The following ZNF324B variants were observed in gnomAD, a reference collection of about 807,000 sequenced individuals.
The protein encoded by ZNF324B is zinc finger protein 324B.
In ZNF324B, 7 loss-of-function variants were observed where a neutral mutation model predicts 10.6. That is an observed-to-expected ratio of 0.66 (90% CI 0.38 to 1.24). The LOEUF (loss-of-function observed/expected upper bound fraction) is 1.24. ZNF324B is among the 50% of genes most tolerant of loss of function. The probability of loss-of-function intolerance (pLI) is 0.02; values close to 1 mark genes in which losing one functional copy is unlikely to be tolerated. For missense variants in ZNF324B, 640 were observed against 764.7 expected (o/e 0.84, Z 1.92); for synonymous variants, 316 against 321.0 (o/e 0.98, Z 0.17).
the ZNF324B span, among the ~76,000 whole-genome samples, chr19:58,439,353 G>A: frequency 6.6e-6 from 1 of 152,136 alleles, no homozygotes; most frequent in Non-Finnish European, 1.5e-5. Context: ...AACCTTCCAT[G>A]GCTCCCACCA....
At chr19:58,444,429 G>GT in the ZNF324B span, 2 of 152,250 alleles carry the variant, frequency 1.3e-5, no homozygotes, top group African/African-American at 2.4e-5. Flanking sequence ...GAGACCAGGA[G>GT]TTTGAGTCCA....
chr19:58,419,863 A>G, the ZNF324B span, among the ~76,000 whole-genome samples: 1 of 151,976 alleles, frequency 6.6e-6, no homozygotes, highest in Non-Finnish European at 1.5e-5. Context: ...CGCAGCCTGG[A>G]GTGTAGTGGT....
At chr19:58,430,629 G>A in the ZNF324B span, 1 of 152,232 alleles carries the variant, frequency 6.6e-6, no homozygotes, top group African/African-American at 2.4e-5. Context: ...TTCTCACATA[G>A]GAGAGGTGAC....
upstream of ZNF324B, chr19:58,451,585 T>C (rs770882160): frequency 1.9e-6 from 1 of 516,502 alleles, no homozygotes. Context: ...ATTGGGGCAA[T>C]GTGAGCTCTG....
At chr19:58,427,370 CTTTCTTT>C in the ZNF324B span, among the ~76,000 whole-genome samples, 127 of 41,540 alleles carry the variant, frequency 3.1e-3, 2 homozygotes, top group African/African-American at 9.6e-3. Context: ...TTCTTTCTTT[CTTTCTTT>C]CTTTCTTTCT....
chr19:58,450,523 CATTTG>C (rs1295434843), upstream of ZNF324B, among the ~76,000 whole-genome samples: 3 of 150,048 alleles, frequency 2.0e-5, no homozygotes, highest in Non-Finnish European at 3.0e-5. Flanking sequence ...TGCCTCTAAG[CATTTG>C]ATTAAATCAC....
At chr19:58,427,380 T>TTC in the ZNF324B span, among the ~76,000 whole-genome samples, 1 of 48,380 alleles carries the variant, frequency 2.1e-5, no homozygotes, top group Non-Finnish European at 3.6e-5. Context: ...CTTTCTTTCT[T>TTC]TCTTTCTTTC....
At chr19:58,445,963 T>A in the ZNF324B span, 1 of 157,444 alleles carries the variant, frequency 6.4e-6, no homozygotes, top group Non-Finnish European at 1.4e-5. Flanking sequence ...GATGAAACCC[T>A]GTCTCTACTA....
At chr19:58,439,644 G>C in the ZNF324B span, 1 of 1,174,096 alleles carries the variant, frequency 8.5e-7, no homozygotes, top group Non-Finnish European at 1.2e-6. Context: ...GGACCCACGT[G>C]TGAGGACAGG....
the ZNF324B span, chr19:58,436,754 C>T: frequency 4.3e-5 from 22 of 510,148 alleles, no homozygotes; most frequent in Admixed American, 1.2e-4. Flanking sequence ...CTGGGTAACC[C>T]GACCAGGGAT....
the ZNF324B span, among the ~76,000 whole-genome samples, chr19:58,421,090 T>C: frequency 1.3e-5 from 2 of 151,596 alleles, no homozygotes. Flanking sequence ...GCTGTTGCCA[T>C]GCTAAGGGGC....
rs1191229512 is a variant in ZNF324B at position 58,455,792 on chromosome 19, G to A, written c.848G>A (p.Arg283Gln). ...LKHLRTHTGE[R>Q]PYECTQCGKA... ...CACCTACGCACCCACACCGGGGAGC[G>A]GCCCTACGAGTGCACCCAGTGCGGC... The change falls in exon 4 of 4, where the codon CGG (arginine) becomes CAG (glutamine). Residue 283 changes from arginine to glutamine, a missense_variant. By Grantham distance (43) the Arg-to-Gln change is conservative. This residue lies in a region of ZNF324B where 345 missense variants were observed against 387.9 expected (regional missense o/e 0.89). Coordinates refer to ENST00000336614, the MANE Select transcript of ZNF324B (RefSeq NM_207395.3). This position sits in a 1 kb window ranked among gnomAD's most constrained non-coding sequence, Gnocchi z 7.0. 7 of 1,614,000 alleles carry A rather than the reference G, an allele frequency of 4.3e-6. No homozygotes were observed. The highest frequency in any genetic ancestry group is 1.3e-5 in the African/African-American group (1 of 74,952).
At chr19:58,440,677 C>G in the ZNF324B span, 1 of 152,020 alleles carries the variant, frequency 6.6e-6, no homozygotes, top group Non-Finnish European at 1.5e-5. Context: ...CCCACAACAC[C>G]GCACCCCCCT....
the ZNF324B span, chr19:58,439,800 C>A: frequency 1.3e-6 from 2 of 1,547,148 alleles, no homozygotes; most frequent in Non-Finnish European, 1.7e-6. Context: ...CCCATTAGAA[C>A]CTGTGGGCTG....
chr19:58,439,742 G>A, the ZNF324B span: 1 of 1,518,442 alleles, frequency 6.6e-7, no homozygotes, highest in African/African-American at 1.4e-5. Flanking sequence ...TGAGGGCCTG[G>A]GGCACACTCC....
chr19:58,427,649 C>G, the ZNF324B span, among the ~76,000 whole-genome samples: 1 of 150,696 alleles, frequency 6.6e-6, no homozygotes, highest in Admixed American at 6.6e-5. Flanking sequence ...GCTACCGCGC[C>G]CAGCCTTTTT....
At chr19:58,443,940 C>T in the ZNF324B span, 1 of 152,256 alleles carries the variant, frequency 6.6e-6, no homozygotes, top group South Asian at 2.1e-4. Flanking sequence ...TGCCACCACC[C>T]CCGCCATGTG....
At chr19:58,446,778 T>C (rs1326977786), upstream of ZNF324B, among the ~76,000 whole-genome samples, 4 of 151,920 alleles carry the variant, frequency 2.6e-5, no homozygotes. Context: ...GGTTTCACCA[T>C]GTTGGCCAAG....
At chr19:58,433,973 C>T in the ZNF324B span, 1 of 1,614,186 alleles carries the variant, frequency 6.2e-7, no homozygotes, top group Non-Finnish European at 8.5e-7. Flanking sequence ...TTACCACAAT[C>T]ACAGCATTCA....
Sources: allele counts gnomAD v4.1 joint callset (sites outside exome capture counted in the v4.1 genomes callset), GRCh38; gene constraint gnomAD v4.1.1; regional missense constraint gnomAD v4.1.1; non-coding constraint Gnocchi (gnomAD v3.1); transcripts MANE v1.5; gene names NCBI Gene and HGNC (gene_info 2026-07-23, HGNC 2026-07-21).